Variants in TMEM154 observed in about 807,000 individuals in gnomAD.
TMEM154 encodes transmembrane protein 154.
In TMEM154, 27 loss-of-function variants were observed where a neutral mutation model predicts 24.5. The observed-to-expected ratio is 1.10, with a 90% CI of 0.81 to 1.52. TMEM154 has a LOEUF of 1.52. Ranked by LOEUF, TMEM154 falls within the 40% of genes most tolerant of loss-of-function variation. The pLI, the probability that TMEM154 is intolerant of heterozygous loss-of-function variation, is 0.00. For missense variants in TMEM154, 228 were observed against 213.4 expected (o/e 1.07, Z -0.43); for synonymous variants, 67 against 76.8 (o/e 0.87, Z 0.67).
intron 1 of TMEM154, among the ~76,000 whole-genome samples, chr4:152,667,634 A>G (rs1036964539): frequency 1.2e-4 from 19 of 152,244 alleles, no homozygotes; most frequent in African/African-American, 4.6e-4. Context: ...GAAGTTATGG[A>G]CAGAGTAAAT....
intron 3 of TMEM154, among the ~76,000 whole-genome samples, chr4:152,647,594 A>G (rs1324201706): frequency 6.6e-6 from 1 of 152,194 alleles, no homozygotes; most frequent in Non-Finnish European, 1.5e-5. Flanking sequence ...AATTTTTAGT[A>G]AGGATAATGT....
At chr4:152,663,120 T>C (rs755670507) in intron 1 of TMEM154, among the ~76,000 whole-genome samples, 1 of 152,212 alleles carries the variant, frequency 6.6e-6, no homozygotes, top group African/African-American at 2.4e-5. Context: ...ACTGTTAAAA[T>C]GCTTTAGGAG....
chr4:152,650,368 C>A (rs1431380375), intron 3 of TMEM154, among the ~76,000 whole-genome samples: 1 of 149,618 alleles, frequency 6.7e-6, no homozygotes, highest in East Asian at 1.9e-4. Context: ...TAGATTCCAT[C>A]TCAAAAAAAA....
chr4:152,641,084 T>C, intron 5 of TMEM154, 99 bp from the exon 6 acceptor site: 3 of 1,155,892 alleles, frequency 2.6e-6, no homozygotes, highest in Admixed American at 2.7e-5. Flanking sequence ...CTGATCTGCG[T>C]GGTTACTTGC....
At chr4:152,647,950 A>G (rs554031156) in intron 3 of TMEM154, among the ~76,000 whole-genome samples, 1 of 152,324 alleles carries the variant, frequency 6.6e-6, no homozygotes, top group East Asian at 1.9e-4. Context: ...TCTCAACCTC[A>G]ATGCCACACT....
intron 1 of TMEM154, 21 bp downstream of exon 1, chr4:152,679,849 T>C (rs774367723): frequency 2.5e-6 from 4 of 1,600,502 alleles, no homozygotes; most frequent in Non-Finnish European, 3.4e-6. Flanking sequence ...TTCCCAGGAG[T>C]AGGAAGTGGA....
At chr4:152,655,120 C>A (rs1728464665) in intron 1 of TMEM154, among the ~76,000 whole-genome samples, 1 of 151,938 alleles carries the variant, frequency 6.6e-6, no homozygotes, top group South Asian at 2.1e-4. Flanking sequence ...CAAAAAATAA[C>A]AAAAATACTG....
chr4:152,657,009 TGAA>T (rs1222718219), intron 1 of TMEM154, among the ~76,000 whole-genome samples: 1 of 150,856 alleles, frequency 6.6e-6, no homozygotes, highest in Admixed American at 6.6e-5. Flanking sequence ...ATTCTGGACC[TGAA>T]GAATTCATAA....
Position 152,628,355 on chromosome 4 carries a change from A to C in TMEM154, c.*191T>G. On this transcript the variant is annotated 3_prime_UTR_variant, in exon 7 of 7. Transcript: ENST00000304385. ...CCAGGCCTTTTCCTAGTACTTCTCA[A>C]TTGCACATTCTTCCAAGTGCAAGTG... 1.0e-6 allele frequency: 1 copy of C among 976,948 alleles called. No individual in the cohort carries two copies. Among genetic ancestry groups the C allele is most frequent in the Non-Finnish European group, 1.6e-6 (1 of 636,098 alleles). 60.5% of individuals were successfully genotyped at this position (976,948 alleles called of 1,614,324 possible).
chr4:152,639,979 G>T (rs1246131877), intron 6 of TMEM154, among the ~76,000 whole-genome samples: 1 of 152,114 alleles, frequency 6.6e-6, no homozygotes, highest in African/African-American at 2.4e-5. Flanking sequence ...GGTTTAGGGG[G>T]GAGACGCAGG....
Position 152,624,990 on chromosome 4 carries a change from C to A in TMEM154, c.*3556G>T, listed in dbSNP as rs932811111. ...ACAAGGAGGATTTCAGCAGTGTCTT[C>A]CCAGCATGAAACCATGTCTTATCAC... On this transcript the variant is annotated 3_prime_UTR_variant, in exon 7 of 7. Coordinates refer to ENST00000304385, the MANE Select transcript of TMEM154 (RefSeq NM_152680.3). The A allele has an allele frequency of 3.3e-5, 5 of 152,216 alleles. No individual in the cohort carries two copies. The highest frequency in any genetic ancestry group is 5.9e-5 in the Non-Finnish European group (4 of 68,042). 9.4% of individuals were successfully genotyped at this position (152,216 alleles called of 1,614,324 possible). A position where few individuals can be genotyped will look rare whatever the true frequency, so the allele number is the denominator to read the frequency against.
chr4:152,664,316 T>C (rs150974732), intron 1 of TMEM154, among the ~76,000 whole-genome samples: 2 of 150,302 alleles, frequency 1.3e-5, no homozygotes, highest in African/African-American at 4.9e-5. Flanking sequence ...TAAGTGGGAG[T>C]TGAACAATGA....
chr4:152,659,260 C>T (rs566120624), intron 1 of TMEM154, among the ~76,000 whole-genome samples: 10 of 152,162 alleles, frequency 6.6e-5, no homozygotes, highest in African/African-American at 2.4e-4. Context: ...ATAAGACAGG[C>T]ACAGAAAGAC....
At position 152,627,961 on chromosome 4, in the gene TMEM154, C is replaced by G. The variant is rs890464198; in HGVS notation, c.*585G>C. ...CTGTGGACCCCTCTCACTGTGTCTT[C>G]TTGGCAGGCAGAGCTTACTGACCCC... On this transcript the variant is annotated 3_prime_UTR_variant, in exon 7 of 7. Coordinates refer to ENST00000304385, the MANE Select transcript of TMEM154 (RefSeq NM_152680.3). 6.4e-6 allele frequency: 1 copy of G among 156,588 alleles called. No individual in the cohort carries two copies. The highest frequency in any genetic ancestry group is 2.4e-5 in the African/African-American group (1 of 41,476). The allele number at this position is 156,588 out of a possible 1,614,324, so 9.7% of individuals were successfully genotyped here. A position where few individuals can be genotyped will look rare whatever the true frequency, so the allele number is the denominator to read the frequency against.
chr4:152,655,600 A>C (rs1728474811), intron 1 of TMEM154, among the ~76,000 whole-genome samples: 2 of 152,216 alleles, frequency 1.3e-5, no homozygotes, highest in Admixed American at 1.3e-4. Flanking sequence ...GCCAGGGCCA[A>C]GGTAGGAGCC....
chr4:152,632,262 C>T (rs1278850713), intron 6 of TMEM154, among the ~76,000 whole-genome samples: 1 of 152,078 alleles, frequency 6.6e-6, no homozygotes, highest in Non-Finnish European at 1.5e-5. Context: ...TAGTATAAAG[C>T]ATGAGGTTGA....
intron 1 of TMEM154, among the ~76,000 whole-genome samples, chr4:152,658,414 A>T (rs1208977514): frequency 2.0e-5 from 3 of 152,208 alleles, no homozygotes; most frequent in Non-Finnish European, 4.4e-5. Context: ...ACCCAAAATT[A>T]GTAGAAGGAA....
At chr4:152,674,884 G>A (rs150268599) in intron 1 of TMEM154, among the ~76,000 whole-genome samples, 2,182 of 152,162 alleles carry the variant, frequency 0.014, 30 homozygotes, top group Non-Finnish European at 0.023. Flanking sequence ...GGCCAGGTGC[G>A]GTGGCTCATG....
intron 6 of TMEM154, among the ~76,000 whole-genome samples, chr4:152,631,919 C>T (rs1185285556): frequency 1.3e-5 from 2 of 148,156 alleles, no homozygotes; most frequent in Non-Finnish European, 3.0e-5. Context: ...ATTCTCCTGC[C>T]TCAGCCTCCC....
Sources: allele counts gnomAD v4.1 joint callset (sites outside exome capture counted in the v4.1 genomes callset), GRCh38; gene constraint gnomAD v4.1.1; transcripts MANE v1.5; gene names NCBI Gene and HGNC (gene_info 2026-07-23, HGNC 2026-07-21).